Variants in KCNK2 observed in about 807,000 individuals in gnomAD.
KCNK2 encodes potassium two pore domain channel subfamily K member 2, also known as potassium channel subfamily K member 2.
KCNK2 carries 21 observed loss-of-function variants against 40.5 expected under a neutral mutation model. The ratio of observed to expected loss-of-function variants is 0.52; its 90% confidence interval spans 0.37 to 0.75. The LOEUF (loss-of-function observed/expected upper bound fraction) is 0.75, where lower values mean the gene tolerates loss of function less well. Among genes scored for constraint, KCNK2 ranks in the 30% least tolerant of loss-of-function variants. The pLI is 0.00. For missense variants in KCNK2, 399 were observed against 531.6 expected, an observed-to-expected ratio of 0.75 and a Z score of 2.45; for synonymous variants, 191 against 202.2, an observed-to-expected ratio of 0.94 and a Z score of 0.47.
intron 1 of KCNK2, among the ~76,000 whole-genome samples, chr1:215,042,873 T>C (rs1303082984): frequency 6.6e-6 from 1 of 152,244 alleles, no homozygotes; most frequent in Non-Finnish European, 1.5e-5. Flanking sequence ...AAATTCACAA[T>C]GGCTCCTACT....
At chr1:215,014,486 T>G (rs2102472916) in intron 1 of KCNK2, among the ~76,000 whole-genome samples, 1 of 151,964 alleles carries the variant, frequency 6.6e-6, no homozygotes, top group South Asian at 2.1e-4. Context: ...AGTGTTATAT[T>G]TAAATTAACA....
In KCNK2 at chr1:215,010,868, TTGTG is replaced by T. The variant is rs1310617219; in HGVS notation, c.34+4939_34+4942del. Among the ~76,000 whole-genome samples, 91 of 135,732 alleles carry T rather than the reference TTGTG, an allele frequency of 6.7e-4. 1 individual carries two copies. Among genetic ancestry groups the T allele is most frequent in the Admixed American group, 2.2e-3 (29 of 13,096 alleles). 89.0% of individuals were successfully genotyped at this position (135,732 alleles called of 152,430 possible). ...GGACACAGATTTTTTTTTTTTTTTT[TTGTG>T]TGTGTGTGTGTGTGTGTGTGTGTGT... On this transcript the variant is annotated intron_variant, in intron 1 of 6. Coordinates refer to the KCNK2 transcript ENST00000391895.
chr1:215,209,424 T>TATATTATATATAAA (rs1558140054), intron 6 of KCNK2, among the ~76,000 whole-genome samples: 1 of 54,886 alleles, frequency 1.8e-5, no homozygotes, highest in African/African-American at 8.9e-5. Flanking sequence ...TTATATATAA[T>TATATTATATATAAA]ATATATAATA....
At chr1:215,201,025 G>C (rs535076456) in intron 6 of KCNK2, among the ~76,000 whole-genome samples, 1 of 152,212 alleles carries the variant, frequency 6.6e-6, no homozygotes, top group African/African-American at 2.4e-5. Context: ...CCTGAGAGCT[G>C]TGAATATAGA....
At chr1:215,084,292 A>G (rs935269220) in intron 1 of KCNK2, among the ~76,000 whole-genome samples, 26 of 152,068 alleles carry the variant, frequency 1.7e-4, no homozygotes, top group African/African-American at 4.6e-4. Context: ...GGAATTTCAG[A>G]TTGGGATTTG....
At chr1:215,203,175 T>C (rs539030285) in intron 6 of KCNK2, among the ~76,000 whole-genome samples, 2 of 152,336 alleles carry the variant, frequency 1.3e-5, no homozygotes, top group African/African-American at 4.8e-5. Flanking sequence ...ATTTATGGTA[T>C]AGATCAGTGA....
At chr1:215,211,421 T>G (rs1468161831) in intron 6 of KCNK2, among the ~76,000 whole-genome samples, 2 of 152,150 alleles carry the variant, frequency 1.3e-5, no homozygotes, top group Non-Finnish European at 2.9e-5. Context: ...TTGGCCATTC[T>G]ATTTAAGATT....
chr1:215,057,761 T>C (rs1658219551), intron 1 of KCNK2, among the ~76,000 whole-genome samples: 1 of 152,134 alleles, frequency 6.6e-6, no homozygotes. Flanking sequence ...GAACACTGCC[T>C]TCAGAGTCAG....
At chr1:215,022,106 C>CCCAT in intron 1 of KCNK2, among the ~76,000 whole-genome samples, 1 of 109,186 alleles carries the variant, frequency 9.2e-6, no homozygotes, top group Non-Finnish European at 2.1e-5. Context: ...TAAATCCCCT[C>CCCAT]CTATCTATCT....
At chr1:215,054,990 A>G (rs1658108797) in intron 1 of KCNK2, among the ~76,000 whole-genome samples, 2 of 152,252 alleles carry the variant, frequency 1.3e-5, no homozygotes, top group African/African-American at 2.4e-5. Context: ...AATAATGAAC[A>G]TAGAATTAAA....
At chr1:215,076,862 G>C (rs527898935) in intron 1 of KCNK2, among the ~76,000 whole-genome samples, 1 of 152,268 alleles carries the variant, frequency 6.6e-6, no homozygotes, top group African/African-American at 2.4e-5. Context: ...TAAGGCTCTT[G>C]ATATCAAGTG....
At chr1:215,145,005 G>T (rs755058297) in intron 3 of KCNK2, among the ~76,000 whole-genome samples, 5 of 152,132 alleles carry the variant, frequency 3.3e-5, no homozygotes, top group Non-Finnish European at 5.9e-5. Flanking sequence ...GTTTTCTATG[G>T]TTGCGTATTC....
At chr1:215,170,426 G>T (rs937070411) in intron 4 of KCNK2, among the ~76,000 whole-genome samples, 1 of 152,174 alleles carries the variant, frequency 6.6e-6, no homozygotes. Context: ...AACTGTTCCT[G>T]TTAGAGGGTG....
chr1:215,044,795 ATGTGTGTGTGTG>A (rs150179184), intron 1 of KCNK2, among the ~76,000 whole-genome samples: 3 of 145,644 alleles, frequency 2.1e-5, no homozygotes, highest in African/African-American at 5.2e-5. Flanking sequence ...GGATAAGTGT[ATGTGTGTGTGTG>A]TGTGTGTGTG....
chr1:215,014,795 T>C (rs1367169537), intron 1 of KCNK2, among the ~76,000 whole-genome samples: 2 of 152,148 alleles, frequency 1.3e-5, no homozygotes, highest in Non-Finnish European at 2.9e-5. Context: ...TTTCCATCTA[T>C]CCTGAGCAGC....
At chr1:215,032,698 C>A (rs1024928772) in intron 1 of KCNK2, among the ~76,000 whole-genome samples, 2 of 152,054 alleles carry the variant, frequency 1.3e-5, no homozygotes, top group Non-Finnish European at 2.9e-5. Flanking sequence ...TTAAATATTT[C>A]ACTCCACTTT....
rs1245466591 is a variant in KCNK2, at chr1:215,033,461, T to C, written c.34+27506T>C. Reference sequence around the variant, plus strand: ...TTTTTTTCTTGAAAGCCAGACATAATGTACTGGGTACAAATAACTGTTGTA... The same window carrying C: ...TTTTTTTCTTGAAAGCCAGACATAACGTACTGGGTACAAATAACTGTTGTA... On this transcript the variant is annotated intron_variant, in intron 1 of 6. Transcript: ENST00000391895. 4.6e-5 allele frequency among the ~76,000 whole-genome samples: 7 copies of C among 152,148 alleles called. No homozygotes were observed. The East Asian group carries it at 1.3e-3, about 29-fold the overall frequency.
At chr1:215,081,455 A>T (rs1209208786), upstream of KCNK2, among the ~76,000 whole-genome samples, 3 of 149,274 alleles carry the variant, frequency 2.0e-5, no homozygotes, top group Non-Finnish European at 3.0e-5. Context: ...ATGTGTTTGA[A>T]TTCCAGCAGG....
At chr1:215,191,178 G>A (rs909495782) in intron 5 of KCNK2, among the ~76,000 whole-genome samples, 2 of 151,678 alleles carry the variant, frequency 1.3e-5, no homozygotes, top group Middle Eastern at 3.4e-3. Context: ...CCAGCTTCTC[G>A]GGAAGCTGAG....
Sources: allele counts gnomAD v4.1 joint callset (sites outside exome capture counted in the v4.1 genomes callset), GRCh38; gene constraint gnomAD v4.1.1; transcripts MANE v1.5; gene names NCBI Gene and HGNC (gene_info 2026-07-23, HGNC 2026-07-21).